DTNB: variants seen among roughly 807,000 people sequenced by gnomAD.
The protein encoded by DTNB is dystrobrevin beta.
DTNB carries 63 observed loss-of-function variants against 90.7 expected under a neutral mutation model. The observed-to-expected ratio is 0.69, with a 90% CI of 0.57 to 0.86. DTNB has a LOEUF of 0.86. DTNB is among the 40% of genes least tolerant of loss of function. The probability of loss-of-function intolerance (pLI) is 0.00; values close to 1 mark genes in which losing one functional copy is unlikely to be tolerated. For missense variants in DTNB, 744 were observed against 807.1 expected, an observed-to-expected ratio of 0.92 and a Z score of 0.95; for synonymous variants, 277 against 286.7, an observed-to-expected ratio of 0.97 and a Z score of 0.34.
At chr2:25,412,813 T>C (rs2046929946) in intron 16 of DTNB, among the ~76,000 whole-genome samples, 1 of 152,190 alleles carries the variant, frequency 6.6e-6, no homozygotes, top group African/African-American at 2.4e-5. Flanking sequence ...CTAGATGAAC[T>C]TGTACATCTG....
At chr2:25,392,068 C>A (rs1266184593) in intron 16 of DTNB, among the ~76,000 whole-genome samples, 1 of 152,008 alleles carries the variant, frequency 6.6e-6, no homozygotes, top group Non-Finnish European at 1.5e-5. Flanking sequence ...AAGATCAGAG[C>A]AGAACTAAAT....
chr2:25,457,693 C>T (rs140439426), intron 10 of DTNB, among the ~76,000 whole-genome samples: 47 of 152,190 alleles, frequency 3.1e-4, no homozygotes, highest in African/African-American at 9.4e-4. Context: ...CTCTAGTACA[C>T]GGACTTTGGA....
At chr2:25,648,934 G>C (rs545277847) in intron 2 of DTNB, among the ~76,000 whole-genome samples, 82 of 136,510 alleles carry the variant, frequency 6.0e-4, no homozygotes, top group Admixed American at 2.4e-3. Flanking sequence ...AATATAGAAA[G>C]AATAGAAATA....
chr2:25,560,070 G>A (rs1317395072), intron 8 of DTNB, among the ~76,000 whole-genome samples: 6 of 152,300 alleles, frequency 3.9e-5, no homozygotes, highest in Non-Finnish European at 2.9e-5. Flanking sequence ...CCAACACGGC[G>A]AAACCCCATG....
At chr2:25,407,353 A>T (rs1368890096) in intron 16 of DTNB, among the ~76,000 whole-genome samples, 2 of 152,210 alleles carry the variant, frequency 1.3e-5, no homozygotes, top group Non-Finnish European at 2.9e-5. Flanking sequence ...CACTATGGAA[A>T]ATAGGATGGA....
chr2:25,628,458 T>C, intron 3 of DTNB, 74 bp from the exon 4 acceptor site: 1 of 1,361,698 alleles, frequency 7.3e-7, no homozygotes, highest in Admixed American at 2.3e-5. Flanking sequence ...AATCTAAAAT[T>C]TATCAACTAG....
intron 15 of DTNB, among the ~76,000 whole-genome samples, chr2:25,422,553 G>C (rs1160593304): frequency 6.6e-6 from 1 of 151,860 alleles, no homozygotes; most frequent in Admixed American, 6.6e-5. Flanking sequence ...TTATAGGCAT[G>C]CACCACCACA....
At chr2:25,388,437 C>G (rs1456248198) in intron 16 of DTNB, 76 bp from the exon 17 acceptor site, 2 of 1,497,772 alleles carry the variant, frequency 1.3e-6, no homozygotes, top group Non-Finnish European at 1.8e-6. Flanking sequence ...TACTTTTTCT[C>G]CATCAACCAG....
At position 25,387,216 on chromosome 2, in the gene DTNB, C is replaced by G. The variant is rs1394554897; in HGVS notation, c.1825+73G>C. The G allele has an allele frequency of 2.5e-5, 37 of 1,467,302 alleles. 1 individual carries two copies. The South Asian group carries it at 4.4e-4, about 17-fold the overall frequency. 90.9% of individuals were successfully genotyped at this position (1,467,302 alleles called of 1,614,324 possible). A position where few individuals can be genotyped will look rare whatever the true frequency, so the allele number is the denominator to read the frequency against. On this transcript the variant is annotated intron_variant, in intron 18 of 20. Coordinates refer to ENST00000406818, the MANE Select transcript of DTNB (RefSeq NM_021907.5). This position sits in a 1 kb window ranked among gnomAD's most constrained non-coding sequence, Gnocchi z 4.5. ...GCTGGGTGGTGAGGTTCTGCCGGTGCTGGCAAGGAAGTGAGAAGGGCGCGG... is the reference window on the plus strand; with the variant it reads ...GCTGGGTGGTGAGGTTCTGCCGGTGGTGGCAAGGAAGTGAGAAGGGCGCGG...
intron 8 of DTNB, among the ~76,000 whole-genome samples, chr2:25,571,089 T>A (rs2059795170): frequency 6.6e-6 from 1 of 152,198 alleles, no homozygotes; most frequent in Non-Finnish European, 1.5e-5. Flanking sequence ...GGCAATTCCA[T>A]CCTTCTATGC....
chr2:25,603,774 A>T (rs1356106789), intron 5 of DTNB, among the ~76,000 whole-genome samples: 1 of 152,256 alleles, frequency 6.6e-6, no homozygotes, highest in African/African-American at 2.4e-5. Context: ...AGGAGGTTGG[A>T]GCAAACAAGA....
Position 25,387,240 on chromosome 2 carries a change from G to C in DTNB, c.1825+49C>G, listed in dbSNP as rs369646094. ...GCTGGCAAGGAAGTGAGAAGGGCGC[G>C]GGCAAGGCAGGGGAGGCCAGGAAGC... On this transcript the variant is annotated intron_variant, in intron 18 of 20. Coordinates refer to ENST00000406818, the MANE Select transcript of DTNB (RefSeq NM_021907.5). This position sits in a 1 kb window ranked among gnomAD's most constrained non-coding sequence, Gnocchi z 4.5. 7.0e-6 allele frequency: 11 copies of C among 1,572,334 alleles called. No homozygotes were observed. The highest frequency in any genetic ancestry group is 9.6e-6 in the Non-Finnish European group (11 of 1,149,434).
At chr2:25,583,530 T>C (rs1572930082) in intron 6 of DTNB, among the ~76,000 whole-genome samples, 1 of 151,856 alleles carries the variant, frequency 6.6e-6, no homozygotes, top group Non-Finnish European at 1.5e-5. Flanking sequence ...GTTGTTGTTG[T>C]TTTTTGAGAC....
At chr2:25,626,338 T>C (rs1217089326) in intron 4 of DTNB, among the ~76,000 whole-genome samples, 1 of 152,224 alleles carries the variant, frequency 6.6e-6, no homozygotes, top group Non-Finnish European at 1.5e-5. Flanking sequence ...TAACAATTTT[T>C]ACTAAGGGTT....
intron 18 of DTNB, among the ~76,000 whole-genome samples, chr2:25,384,414 C>G (rs1573640320): frequency 6.6e-6 from 1 of 152,166 alleles, no homozygotes; most frequent in Non-Finnish European, 1.5e-5. Flanking sequence ...CCAGGGGACA[C>G]TCAAGAGGGT....
intron 10 of DTNB, among the ~76,000 whole-genome samples, chr2:25,461,735 T>C (rs1019820465): frequency 1.3e-5 from 2 of 152,182 alleles, no homozygotes; most frequent in Non-Finnish European, 2.9e-5. Context: ...TGGCTGCTGC[T>C]AACAACACTC....
chr2:25,475,094 T>C (rs2063511387), intron 10 of DTNB, among the ~76,000 whole-genome samples: 1 of 152,052 alleles, frequency 6.6e-6, no homozygotes, highest in African/African-American at 2.4e-5. Flanking sequence ...AAAGGAAGAG[T>C]TGCATATCTC....
At chr2:25,626,597 A>G (rs532323750) in intron 4 of DTNB, among the ~76,000 whole-genome samples, 3 of 152,314 alleles carry the variant, frequency 2.0e-5, no homozygotes, top group African/African-American at 4.8e-5. Context: ...CCCCATCTCA[A>G]AAAAATAAGT....
chr2:25,499,180 G>A (rs2069808407), intron 9 of DTNB, among the ~76,000 whole-genome samples: 1 of 129,768 alleles, frequency 7.7e-6, no homozygotes, highest in Admixed American at 7.4e-5. Flanking sequence ...TCGTGTCATT[G>A]CAAAAAAAAA....
Sources: gnomAD v4.1 joint callset for allele counts (sites outside exome capture counted in the v4.1 genomes callset) on GRCh38, gnomAD v4.1.1 for gene constraint, Gnocchi (gnomAD v3.1) non-coding constraint, MANE v1.5 for transcripts, NCBI Gene and HGNC (gene_info 2026-07-23, HGNC 2026-07-21) for gene names.